NTN4: variants seen among roughly 807,000 people sequenced by gnomAD.
NTN4 encodes the protein netrin 4.
NTN4 carries 32 observed loss-of-function variants against 73.6 expected under a neutral mutation model. The observed-to-expected ratio is 0.44, with a 90% CI of 0.33 to 0.58. The LOEUF is 0.58. Ranked by LOEUF, NTN4 falls within the 20% of genes least tolerant of loss-of-function variation. NTN4 has a pLI of 0.04. For synonymous variants in NTN4, 258 were observed against 287.5 expected, an observed-to-expected ratio of 0.90 and a Z score of 1.04; for missense variants, 654 against 798.3, an observed-to-expected ratio of 0.82 and a Z score of 2.18.
At chr12:95,743,537 T>G (rs1480565099) in intron 2 of NTN4, among the ~76,000 whole-genome samples, 2 of 152,204 alleles carry the variant, frequency 1.3e-5, no homozygotes, top group African/African-American at 4.8e-5. Flanking sequence ...TTTGATACGC[T>G]GTGTTTTCAT....
chr12:95,693,510 C>T (rs956237058), intron 5 of NTN4, among the ~76,000 whole-genome samples: 1 of 151,828 alleles, frequency 6.6e-6, no homozygotes, highest in Non-Finnish European at 1.5e-5. Flanking sequence ...GCAGGCAGAT[C>T]GCTTAGGGTC....
intron 5 of NTN4, among the ~76,000 whole-genome samples, chr12:95,691,607 C>A (rs2078401842): frequency 6.6e-6 from 1 of 152,102 alleles, no homozygotes; most frequent in African/African-American, 2.4e-5. Context: ...GTTGGTCAGG[C>A]TGGTCTTGAC....
At chr12:95,752,363 C>T (rs1487138557) in intron 2 of NTN4, among the ~76,000 whole-genome samples, 2 of 151,156 alleles carry the variant, frequency 1.3e-5, no homozygotes, top group African/African-American at 4.9e-5. Flanking sequence ...CATATACTCT[C>T]CTATCCTCAA....
intron 3 of NTN4, among the ~76,000 whole-genome samples, chr12:95,726,969 C>CAA (rs35245187): frequency 1.3e-5 from 2 of 149,068 alleles, no homozygotes; most frequent in Non-Finnish European, 1.5e-5. Flanking sequence ...GACTCTGTCT[C>CAA]AAAAAAAAAA....
chr12:95,776,520 G>C (rs1457097627), intron 2 of NTN4, among the ~76,000 whole-genome samples: 1 of 152,216 alleles, frequency 6.6e-6, no homozygotes. Context: ...ACATGCATAA[G>C]CTTCAGTAGC....
At chr12:95,726,199 C>T (rs1435257805) in intron 3 of NTN4, among the ~76,000 whole-genome samples, 3 of 152,140 alleles carry the variant, frequency 2.0e-5, no homozygotes, top group Middle Eastern at 3.4e-3. Flanking sequence ...GTTGTACAGT[C>T]ATTACCACCA....
chr12:95,668,921 C>T (rs1220257108), intron 8 of NTN4, among the ~76,000 whole-genome samples: 4 of 152,152 alleles, frequency 2.6e-5, no homozygotes, highest in African/African-American at 7.2e-5. Context: ...GTCAGGAGTT[C>T]GAGACCAGCC....
At position 95,682,749 on chromosome 12, in the gene NTN4, C is replaced by T. The variant is rs1325122697; in HGVS notation, c.1468G>A (p.Glu490Lys). The T allele has an allele frequency of 1.9e-6, 3 of 1,614,010 alleles. No homozygotes were observed. The Admixed American group carries it at 5.0e-5, about 27-fold the overall frequency. The change falls in exon 7 of 10, where the codon GAG becomes AAG. Residue 490 changes from glutamate to lysine, a missense_variant. Coordinates refer to ENST00000343702, the MANE Select transcript of NTN4 (RefSeq NM_021229.4). ...PVHNKSEPAW[E>K]WEDAQGFSAL... ...GAAAACCCCTGCGCATCCTCCCACT[C>T]CCAGGCTGGTTCGCTCTTATTGTGC...
At chr12:95,677,480 A>C (rs1412033464) in intron 7 of NTN4, among the ~76,000 whole-genome samples, 1 of 152,228 alleles carries the variant, frequency 6.6e-6, no homozygotes, top group Admixed American at 6.5e-5. Flanking sequence ...AACTTTCTCA[A>C]ATATACAATG....
At chr12:95,704,475 A>C (rs2078509084) in intron 5 of NTN4, among the ~76,000 whole-genome samples, 2 of 152,180 alleles carry the variant, frequency 1.3e-5, no homozygotes, top group South Asian at 4.1e-4. Context: ...AAATATGTTA[A>C]CTTATTTGTC....
intron 9 of NTN4, among the ~76,000 whole-genome samples, chr12:95,665,489 TA>T (rs2078172364): frequency 6.6e-6 from 1 of 152,240 alleles, no homozygotes; most frequent in African/African-American, 2.4e-5. Context: ...AGCTTTCAGA[TA>T]AAGAGTAAGT....
At chr12:95,669,984 C>T (rs1333072010) in intron 8 of NTN4, 94 bp downstream of exon 8, 5 of 658,984 alleles carry the variant, frequency 7.6e-6, no homozygotes, top group African/African-American at 5.5e-5. Flanking sequence ...TTCATTTATA[C>T]ACAATGTCAT....
rs373331883 is a variant in NTN4 at position 95,746,114 on chromosome 12, T to C, written c.586-7970A>G. Among the ~76,000 whole-genome samples the C allele has an allele frequency of 1.7e-4, 26 of 152,282 alleles. 1 individual carries two copies. The highest frequency in any genetic ancestry group is 6.3e-4 in the African/African-American group (26 of 41,556). On this transcript the variant is annotated intron_variant, in intron 2 of 9. Coordinates refer to ENST00000343702, the MANE Select transcript of NTN4 (RefSeq NM_021229.4). ...CTAAGAGAGCCAGACAGACTCCATC[T>C]TGGCTCTTTCACTGGCAGCCCCTTC...
chr12:95,708,613 T>C (rs993381411), intron 5 of NTN4, among the ~76,000 whole-genome samples: 3 of 152,052 alleles, frequency 2.0e-5, no homozygotes, highest in Non-Finnish European at 4.4e-5. Flanking sequence ...CTTCTTCTGT[T>C]GCCCAGGCTG....
chr12:95,667,839 G>A (rs553873046), intron 8 of NTN4, among the ~76,000 whole-genome samples: 2 of 149,608 alleles, frequency 1.3e-5, no homozygotes, highest in African/African-American at 2.5e-5. Context: ...CAGCCTGGGC[G>A]ACAGAGCAAA....
intron 7 of NTN4, among the ~76,000 whole-genome samples, chr12:95,675,661 A>G (rs771312568): frequency 9.2e-5 from 14 of 152,232 alleles, no homozygotes; most frequent in Non-Finnish European, 7.3e-5. Flanking sequence ...CAATTTGTTG[A>G]TACTTCTTGA....
At chr12:95,786,077 A>G (rs1243791774) in intron 2 of NTN4, among the ~76,000 whole-genome samples, 1 of 152,232 alleles carries the variant, frequency 6.6e-6, no homozygotes, top group Non-Finnish European at 1.5e-5. Context: ...CCCCTAGTTG[A>G]AAGCCACTTA....
chr12:95,790,929 G>T (rs1828988956), upstream of NTN4, among the ~76,000 whole-genome samples: 1 of 24,636 alleles, frequency 4.1e-5, no homozygotes, highest in African/African-American at 1.6e-4. The surrounding 1 kb of genome is among the most constrained non-coding windows in gnomAD (Gnocchi z 6.5). Context: ...GCTGCCGCCC[G>T]GGGGGGGGGT....
At position 95,682,774 on chromosome 12, in the gene NTN4, C is replaced by T. The variant is rs769370983; in HGVS notation, c.1443G>A (p.Val481=). 13 of 1,613,974 alleles carry T rather than the reference C, an allele frequency of 8.1e-6. 1 individual carries two copies. The Admixed American group carries it at 2.2e-4, about 27-fold the overall frequency. ...CCCAGGCTGGTTCGCTCTTATTGTG[C>T]ACGGGACGGAAGTCAGGAACTTCAT... ...WYHEVPDFRP[V]HNKSEPAWEW... Residue 481 remains valine (V), a synonymous_variant, in exon 7 of 10, where the codon GTG becomes GTA. Coordinates refer to ENST00000343702, the MANE Select transcript of NTN4 (RefSeq NM_021229.4).
Sources: gnomAD v4.1 joint callset for allele counts (sites outside exome capture counted in the v4.1 genomes callset) on GRCh38, gnomAD v4.1.1 for gene constraint, Gnocchi (gnomAD v3.1) non-coding constraint, MANE v1.5 for transcripts, NCBI Gene and HGNC (gene_info 2026-07-23, HGNC 2026-07-21) for gene names.